TRIM16: variants seen among roughly 807,000 people sequenced by gnomAD.
TRIM16 encodes tripartite motif-containing protein 16.
TRIM16 carries 33 observed loss-of-function variants against 50.4 expected under a neutral mutation model. That is an observed-to-expected ratio of 0.65 (90% CI 0.50 to 0.88). The LOEUF is 0.88. Ranked by LOEUF, TRIM16 falls within the 40% of genes least tolerant of loss-of-function variation. TRIM16 has a pLI of 0.00. For missense variants in TRIM16, 581 were observed against 686.8 expected (o/e 0.85, Z 1.72); for synonymous variants, 229 against 270.7 (o/e 0.85, Z 1.51).
chr17:15,674,088 T>C (rs1291779620), intron 6 of TRIM16, among the ~76,000 whole-genome samples: 1 of 152,044 alleles, frequency 6.6e-6, no homozygotes, highest in Non-Finnish European at 1.5e-5. Flanking sequence ...GAAGACACAA[T>C]AGGCCGGGCG....
In TRIM16 at chr17:15,651,818, T is replaced by C; in HGVS notation, c.-209A>G. 6.9e-7 allele frequency: 1 copy of C among 1,447,432 alleles called. No individual in the cohort carries two copies. Among genetic ancestry groups the C allele is most frequent in the Non-Finnish European group, 9.0e-7 (1 of 1,105,418 alleles). 89.7% of individuals were successfully genotyped at this position (1,447,432 alleles called of 1,614,324 possible). A position where few individuals can be genotyped will look rare whatever the true frequency, so the allele number is the denominator to read the frequency against. On this transcript the variant is annotated 5_prime_UTR_variant, in exon 7 of 12. Coordinates refer to ENST00000649191, the MANE Select transcript of TRIM16 (RefSeq NM_001348119.1). ...TGCGATGACGACAAGGCAGCTAGAGTACTCAGGCTCAGGACAGCCGGCTCA... is the reference window on the plus strand; with the variant it reads ...TGCGATGACGACAAGGCAGCTAGAGCACTCAGGCTCAGGACAGCCGGCTCA...
intron 6 of TRIM16, among the ~76,000 whole-genome samples, chr17:15,672,326 CCAAA>C (rs1472071911): frequency 2.0e-5 from 3 of 148,894 alleles, no homozygotes; most frequent in African/African-American, 7.5e-5. Flanking sequence ...TTTACCACAA[CCAAA>C]CAAACACACT....
At chr17:15,679,921 A>G (rs191475199) in intron 4 of TRIM16, among the ~76,000 whole-genome samples, 1 of 145,636 alleles carries the variant, frequency 6.9e-6, no homozygotes, top group Admixed American at 7.0e-5. Context: ...TGGGCGAGAG[A>G]GCGAGACTAT....
chr17:15,638,337 C>A (rs1167166130), intron 8 of TRIM16, among the ~76,000 whole-genome samples: 2 of 146,388 alleles, frequency 1.4e-5, no homozygotes, highest in Non-Finnish European at 3.0e-5. Flanking sequence ...CTTTGGGAGG[C>A]TGAGGTGGGC....
At chr17:15,675,204 T>C (rs1402131535) in intron 6 of TRIM16, among the ~76,000 whole-genome samples, 1 of 152,194 alleles carries the variant, frequency 6.6e-6, no homozygotes, top group Non-Finnish European at 1.5e-5. Flanking sequence ...TTTCTTCACT[T>C]GGATTTGTGA....
Position 15,651,108 on chromosome 17 carries a change from C to T in TRIM16, c.502G>A (p.Ala168Thr), listed in dbSNP as rs776009860. The T allele has an allele frequency of 1.9e-6, 3 of 1,610,706 alleles. No homozygotes were observed. Among genetic ancestry groups the T allele is most frequent in the African/African-American group, 2.7e-5 (2 of 74,894 alleles). ...SGHTIVSLDA[A>T]RRDKEAELQC... is the part of the protein sequence containing the mutation. ...GCACTCACCTCCTTGTCCCTGCGGG[C>T]TGCATCCAGGGAGACTATGGTGTGG... The change falls in exon 7 of 12, where the codon GCC (alanine) becomes ACC (threonine). Residue 168 changes from alanine to threonine, a missense_variant. Physicochemically the swap from Ala to Thr is moderately conservative, Grantham distance 58 (BLOSUM62 0). This residue lies in a region of TRIM16 where 450 missense variants were observed against 544.3 expected (regional missense o/e 0.83). Coordinates refer to ENST00000649191, the MANE Select transcript of TRIM16 (RefSeq NM_001348119.1).
rs148027903 is a variant in TRIM16, at chr17:15,651,290, G to A, written c.320C>T (p.Pro107Leu). 5.2e-4 allele frequency: 838 copies of A among 1,614,106 alleles called. 4 individuals carry two copies. The highest frequency in any genetic ancestry group is 6.3e-4 in the Non-Finnish European group (749 of 1,180,054). ...TTGCAGTTTGATGTTCACCTGATGC[G>A]GCTGCAAGTGCTCTTCACAGTAATT... ...MVNYCEEHLQ[P>L]HQVNIKLQSH... The change falls in exon 7 of 12, where the codon CCG (proline) becomes CTG (leucine). Residue 107 changes from proline (P) to leucine (L), a missense_variant. Pro to Leu is a moderately conservative substitution (Grantham distance 98). Transcript: ENST00000649191.
intron 8 of TRIM16, among the ~76,000 whole-genome samples, chr17:15,642,003 T>C (rs1011028371): frequency 4.7e-5 from 7 of 148,384 alleles, no homozygotes; most frequent in Non-Finnish European, 7.5e-5. Context: ...CCACCATGCC[T>C]GGCTAATTTT....
chr17:15,656,297 C>T (rs568917008), intron 6 of TRIM16, among the ~76,000 whole-genome samples: 4 of 152,240 alleles, frequency 2.6e-5, no homozygotes, highest in African/African-American at 7.2e-5. Flanking sequence ...AACTCAAATT[C>T]CCTATTGCTT....
intron 6 of TRIM16, among the ~76,000 whole-genome samples, chr17:15,665,315 C>T (rs1307060353): frequency 3.3e-5 from 5 of 152,076 alleles, no homozygotes; most frequent in East Asian, 1.9e-4. Context: ...CGAGACCATC[C>T]TGGCTAACCC....
chr17:15,674,681 G>C (rs1394491370), intron 6 of TRIM16, among the ~76,000 whole-genome samples: 1 of 152,138 alleles, frequency 6.6e-6, no homozygotes, highest in Non-Finnish European at 1.5e-5. Context: ...CCTCCTCTCT[G>C]TTCTTGCCAT....
intron 6 of TRIM16, among the ~76,000 whole-genome samples, chr17:15,666,010 C>CCCTA (rs1044806334): frequency 1.3e-5 from 2 of 152,146 alleles, no homozygotes; most frequent in African/African-American, 4.8e-5. Context: ...CAGGGAGCAT[C>CCCTA]CCTACCTCCT....
chr17:15,631,467 A>T (rs1176434390), intron 11 of TRIM16, 152 bp downstream of exon 11: 1 of 673,156 alleles, frequency 1.5e-6, no homozygotes, highest in Non-Finnish European at 2.4e-6. Flanking sequence ...AGTTAAAAAA[A>T]TTGTTTAAAT....
chr17:15,636,293 G>A (rs1435783794), intron 8 of TRIM16, 24 bp from the exon 9 acceptor site: 3 of 1,606,162 alleles, frequency 1.9e-6, no homozygotes, highest in Non-Finnish European at 2.6e-6. Context: ...GGGGTGGAAG[G>A]CAGCCAAACA....
At chr17:15,675,093 T>C (rs953867849) in intron 6 of TRIM16, among the ~76,000 whole-genome samples, 7 of 151,826 alleles carry the variant, frequency 4.6e-5, no homozygotes, top group South Asian at 2.1e-4. Context: ...AATCACTGCA[T>C]GGTGACAGCA....
chr17:15,661,640 T>C (rs770300624), intron 6 of TRIM16, among the ~76,000 whole-genome samples: 1 of 152,128 alleles, frequency 6.6e-6, no homozygotes, highest in African/African-American at 2.4e-5. Flanking sequence ...AAGTATAATA[T>C]ATTGTTTGTT....
chr17:15,637,029 T>C (rs1306604590), intron 8 of TRIM16, among the ~76,000 whole-genome samples: 1 of 147,106 alleles, frequency 6.8e-6, no homozygotes, highest in Non-Finnish European at 1.5e-5. Context: ...TCTTAAGAAT[T>C]GGTAGGAGCC....
At chr17:15,675,867 CT>C (rs1225712944) in intron 6 of TRIM16, among the ~76,000 whole-genome samples, 5 of 147,224 alleles carry the variant, frequency 3.4e-5, no homozygotes, top group African/African-American at 1.0e-4. Context: ...TATATATATA[CT>C]TTTTTTTGCA....
intron 6 of TRIM16, chr17:15,654,157 C>G (rs1987862038): frequency 6.6e-6 from 1 of 152,170 alleles, no homozygotes; most frequent in African/African-American, 2.4e-5. Flanking sequence ...TTGTCACTGA[C>G]TAGTACTTTT....
Sources: allele counts gnomAD v4.1 joint callset (sites outside exome capture counted in the v4.1 genomes callset), GRCh38; gene constraint gnomAD v4.1.1; regional missense constraint gnomAD v4.1.1; transcripts MANE v1.5; gene names NCBI Gene and HGNC (gene_info 2026-07-23, HGNC 2026-07-21).